Variants in HSD17B7 observed in about 807,000 individuals in gnomAD.
HSD17B7 encodes the protein 3-keto-steroid reductase/17-beta-hydroxysteroid dehydrogenase 7.
HSD17B7 carries 17 observed loss-of-function variants against 34.1 expected under a neutral mutation model. The observed-to-expected ratio is 0.50, with a 90% CI of 0.34 to 0.75. The LOEUF (loss-of-function observed/expected upper bound fraction) is 0.75. Among genes scored for constraint, HSD17B7 ranks in the 30% least tolerant of loss-of-function variants. The pLI is 0.01. For synonymous variants in HSD17B7, 122 were observed against 154.6 expected, an observed-to-expected ratio of 0.79 and a Z score of 1.56; for missense variants, 296 against 406.6, an observed-to-expected ratio of 0.73 and a Z score of 2.34.
Position 162,807,752 on chromosome 1 carries a change from T to G in HSD17B7, c.903+2260T>G, listed in dbSNP as rs567841667. On this transcript the variant is annotated intron_variant, in intron 8 of 8. Coordinates refer to ENST00000254521, the MANE Select transcript of HSD17B7 (RefSeq NM_016371.4). ...ATGATGAGCATTTTTTCATGTGTCT[T>G]TTGCTTGCATAAATGTCTTCTTTTG... Among the ~76,000 whole-genome samples the G allele has an allele frequency of 3.1e-4, 47 of 152,260 alleles. No homozygotes were observed. In the South Asian group the frequency reaches 9.8e-3, roughly 32 times the overall value.
At chr1:162,790,921 C>T (rs1177441461) in intron 1 of HSD17B7, 86 bp downstream of exon 1, 6 of 926,150 alleles carry the variant, frequency 6.5e-6, no homozygotes, top group Middle Eastern at 5.3e-4. Flanking sequence ...GAACGGACCC[C>T]GGAAGCGCCC....
intron 8 of HSD17B7, among the ~76,000 whole-genome samples, chr1:162,807,494 T>C (rs1344741950): frequency 6.6e-6 from 1 of 152,214 alleles, no homozygotes; most frequent in Non-Finnish European, 1.5e-5. Flanking sequence ...TACCCAGGAA[T>C]GGGATGGCTG....
chr1:162,805,417 T>C lies in HSD17B7; in HGVS notation c.828T>C (p.Pro276=), dbSNP rs550105050. The change falls in exon 8 of 9, where the codon CCT becomes CCC. Residue 276 remains proline (P), a synonymous_variant. Transcript: ENST00000254521. ...EALVWLFHQK[P]ESLNPLIKYL... ...AGGTATGGCTTTTCCACCAAAAGCCTGAATCTCTCAATCCTCTGATCAAAT... is the reference window on the plus strand; with the variant it reads ...AGGTATGGCTTTTCCACCAAAAGCCCGAATCTCTCAATCCTCTGATCAAAT... The C allele has an allele frequency of 6.2e-7, 1 of 1,613,124 alleles. No individual in the cohort carries two copies. Among genetic ancestry groups the C allele is most frequent in the Non-Finnish European group, 8.5e-7 (1 of 1,179,312 alleles).
At chr1:162,806,685 T>C (rs1178719701) in intron 8 of HSD17B7, among the ~76,000 whole-genome samples, 1 of 152,254 alleles carries the variant, frequency 6.6e-6, no homozygotes, top group Non-Finnish European at 1.5e-5. Flanking sequence ...TGTAAACTAA[T>C]AGCTTACTTT....
At chr1:162,807,426 G>T (rs956681506) in intron 8 of HSD17B7, among the ~76,000 whole-genome samples, 40 of 152,134 alleles carry the variant, frequency 2.6e-4, no homozygotes, top group African/African-American at 9.7e-4. Flanking sequence ...TAGTGCCGCA[G>T]TAAACATACA....
chr1:162,791,716 G>A (rs1224077834), intron 1 of HSD17B7, among the ~76,000 whole-genome samples: 1 of 150,610 alleles, frequency 6.6e-6, no homozygotes, highest in Admixed American at 6.6e-5. Context: ...GAGTAAGTCA[G>A]AATTGATTTT....
chr1:162,806,773 G>C (rs1648993133), intron 8 of HSD17B7, among the ~76,000 whole-genome samples: 1 of 152,162 alleles, frequency 6.6e-6, no homozygotes. Flanking sequence ...AAAATGTTTA[G>C]TTCTACAAAC....
intron 2 of HSD17B7, among the ~76,000 whole-genome samples, chr1:162,795,263 C>G (rs1363708929): frequency 1.3e-5 from 2 of 152,132 alleles, no homozygotes; most frequent in Non-Finnish European, 2.9e-5. Flanking sequence ...TCCCTGACAC[C>G]TGGTCTTTCC....
chr1:162,791,632 C>T (rs897860066), intron 1 of HSD17B7, among the ~76,000 whole-genome samples: 1 of 145,878 alleles, frequency 6.9e-6, no homozygotes, highest in Non-Finnish European at 1.5e-5. Flanking sequence ...TAGGTGTCTG[C>T]ATTTGGCAAC....
intron 8 of HSD17B7, among the ~76,000 whole-genome samples, chr1:162,809,714 A>T (rs945882815): frequency 2.0e-5 from 3 of 151,998 alleles, no homozygotes; most frequent in Non-Finnish European, 4.4e-5. Flanking sequence ...AGTGTCCAGG[A>T]ATTTATCCAT....
chr1:162,812,648 A>G lies in HSD17B7; in HGVS notation c.*228A>G. On this transcript the variant is annotated 3_prime_UTR_variant, in exon 9 of 9. Coordinates refer to ENST00000254521, the MANE Select transcript of HSD17B7 (RefSeq NM_016371.4). Reference sequence around the variant, plus strand: ...AGCTGAGATTGTGCCACTGCACTCCAGCCTGGGTGACAGCGAGACCCTGTC... The same window carrying G: ...AGCTGAGATTGTGCCACTGCACTCCGGCCTGGGTGACAGCGAGACCCTGTC... 1 of 326,020 alleles carries G rather than the reference A, an allele frequency of 3.1e-6. No homozygotes were observed. The allele number at this position is 326,020 out of a possible 1,614,324, so 20.2% of individuals were successfully genotyped here.
At chr1:162,794,954 C>T (rs1343346301) in intron 2 of HSD17B7, among the ~76,000 whole-genome samples, 8 of 152,164 alleles carry the variant, frequency 5.3e-5, no homozygotes, top group Non-Finnish European at 1.2e-4. Context: ...GAAGGGAGCA[C>T]TTCAGGTGAT....
intron 8 of HSD17B7, among the ~76,000 whole-genome samples, chr1:162,806,295 G>A (rs1253133346): frequency 6.6e-6 from 1 of 152,176 alleles, no homozygotes; most frequent in Non-Finnish European, 1.5e-5. Context: ...TCGCAGGTAA[G>A]TCAAGTAACC....
At chr1:162,798,232 A>G (rs2257856) in intron 4 of HSD17B7, 1 of 288,404 alleles carries the variant, frequency 3.5e-6, no homozygotes, top group Admixed American at 4.8e-5. Context: ...TGCATTTGTC[A>G]AAATAGATGA....
Position 162,798,038 on chromosome 1 carries a change from T to C in HSD17B7, c.447+122T>C. The C allele has an allele frequency of 2.1e-6, 3 of 1,405,820 alleles. 1 individual carries two copies. In the Middle Eastern group the frequency reaches 5.8e-4, roughly 270 times the overall value. 87.1% of individuals were successfully genotyped at this position (1,405,820 alleles called of 1,614,324 possible). On this transcript the variant is annotated intron_variant, in intron 4 of 8. Coordinates refer to ENST00000254521, the MANE Select transcript of HSD17B7 (RefSeq NM_016371.4). ...CTGATTTAATCTCATGTTTGAGTTT[T>C]CTTGATTGCATTTGCCTTGTTTATT...
intron 6 of HSD17B7, among the ~76,000 whole-genome samples, chr1:162,803,818 A>G (rs1432872862): frequency 6.6e-6 from 1 of 152,204 alleles, no homozygotes; most frequent in African/African-American, 2.4e-5. Flanking sequence ...ACCCATGTTG[A>G]ACATTGTTAA....
intron 4 of HSD17B7, 146 bp downstream of exon 4, chr1:162,798,062 T>G: frequency 6.7e-6 from 9 of 1,348,200 alleles, no homozygotes; most frequent in Non-Finnish European, 7.8e-6. Flanking sequence ...GCCTTGTTTA[T>G]TGTGAGCATG....
intron 8 of HSD17B7, among the ~76,000 whole-genome samples, chr1:162,810,204 T>C (rs565774652): frequency 7.6e-4 from 116 of 152,382 alleles, no homozygotes; most frequent in Non-Finnish European, 1.3e-3. Flanking sequence ...CATTTCGTTA[T>C]GTACCCAGTA....
chr1:162,806,713 T>C (rs542994819), intron 8 of HSD17B7, among the ~76,000 whole-genome samples: 2 of 152,344 alleles, frequency 1.3e-5, no homozygotes, highest in Admixed American at 6.5e-5. Flanking sequence ...CAGGGTGTAT[T>C]TGAACTTACT....
Sources: gnomAD v4.1 joint callset for allele counts (sites outside exome capture counted in the v4.1 genomes callset) on GRCh38, gnomAD v4.1.1 for gene constraint, MANE v1.5 for transcripts, NCBI Gene and HGNC (gene_info 2026-07-23, HGNC 2026-07-21) for gene names.